Variants in PEX13 observed in about 807,000 individuals in gnomAD.
PEX13 encodes the protein peroxisome biogenesis factor 13.
Under a neutral mutation model 34.5 loss-of-function variants are expected in PEX13, and 28 were observed. The observed-to-expected ratio is 0.81, with a 90% CI of 0.60 to 1.11. The LOEUF is 1.11. Among genes scored for constraint, PEX13 ranks in the 50% most tolerant of loss-of-function variants. The pLI, the probability that PEX13 is intolerant of heterozygous loss-of-function variation, is 0.00. For synonymous variants in PEX13, 177 were observed against 175.1 expected, an observed-to-expected ratio of 1.01 and a Z score of -0.09; for missense variants, 550 against 491.0, an observed-to-expected ratio of 1.12 and a Z score of -1.13.
intron 1 of PEX13, among the ~76,000 whole-genome samples, chr2:61,028,407 T>G (rs78967858): frequency 6.6e-6 from 1 of 150,954 alleles, no homozygotes; most frequent in Non-Finnish European, 1.5e-5. Context: ...TTTTTTTTTT[T>G]GAAACAGAGT....
intron 2 of PEX13, among the ~76,000 whole-genome samples, chr2:61,037,353 T>A (rs995813181): frequency 2.7e-4 from 41 of 152,172 alleles, no homozygotes; most frequent in African/African-American, 9.4e-4. Flanking sequence ...ATTCTAAAAT[T>A]GACCACACAA....
Position 61,017,726 on chromosome 2 carries a change from G to C in PEX13, c.-34G>C, listed in dbSNP as rs1680097498. Reference sequence around the variant, plus strand: ...GGTCTACGCGGGCCTGGACAGTCAGGGGTAGGAGCGGGAGCCGAGAGGAGG... The same window carrying C: ...GGTCTACGCGGGCCTGGACAGTCAGCGGTAGGAGCGGGAGCCGAGAGGAGG... On this transcript the variant is annotated 5_prime_UTR_variant, in exon 1 of 4. Transcript: ENST00000295030. The C allele has an allele frequency of 6.5e-7, 1 of 1,529,738 alleles. No homozygotes were observed. Among genetic ancestry groups the C allele is most frequent in the Non-Finnish European group, 8.9e-7 (1 of 1,129,666 alleles). 94.8% of individuals were successfully genotyped at this position (1,529,738 alleles called of 1,614,324 possible).
Position 61,048,838 on chromosome 2 carries a change from A to C in PEX13, c.*68A>C. 8.0e-7 allele frequency: 1 copy of C among 1,248,398 alleles called. No individual in the cohort carries two copies. Among genetic ancestry groups the C allele is most frequent in the Non-Finnish European group, 1.2e-6 (1 of 855,156 alleles). The allele number at this position is 1,248,398 out of a possible 1,614,324, so 77.3% of individuals were successfully genotyped here. On this transcript the variant is annotated 3_prime_UTR_variant, in exon 4 of 4. Coordinates refer to ENST00000295030, the MANE Select transcript of PEX13 (RefSeq NM_002618.4). Reference sequence around the variant, plus strand: ...CTTTTTAAAATTATTTCTCACAAAGAAATGAATGTACAATCCAATGAAAAC... The same window carrying C: ...CTTTTTAAAATTATTTCTCACAAAGCAATGAATGTACAATCCAATGAAAAC...
At chr2:61,025,534 T>A (rs1298696390) in intron 1 of PEX13, among the ~76,000 whole-genome samples, 1 of 152,044 alleles carries the variant, frequency 6.6e-6, no homozygotes, top group African/African-American at 2.4e-5. Context: ...AATTTTTGTA[T>A]TTTTAGTAGA....
rs998338780 is a variant in PEX13 at position 61,051,880 on chromosome 2, T to G, written c.*3110T>G. ...TACTTGAACACAGCTATCCTTTATC[T>G]TGTGCTTTCTTTAATAGAAAAATGA... On this transcript the variant is annotated 3_prime_UTR_variant, in exon 4 of 4. Coordinates refer to ENST00000295030, the MANE Select transcript of PEX13 (RefSeq NM_002618.4). 8 of 152,356 alleles carry G rather than the reference T, an allele frequency of 5.3e-5. No homozygotes were observed. The highest frequency in any genetic ancestry group is 9.6e-5 in the African/African-American group (4 of 41,464). 9.4% of individuals were successfully genotyped at this position (152,356 alleles called of 1,614,324 possible).
chr2:61,020,609 TTCTC>T (rs1680238769), intron 1 of PEX13, among the ~76,000 whole-genome samples: 1 of 152,172 alleles, frequency 6.6e-6, no homozygotes, highest in South Asian at 2.1e-4. Flanking sequence ...CTTGTCAAAA[TTCTC>T]TCTCTCTACC....
At chr2:61,027,278 G>A (rs755179938) in intron 1 of PEX13, among the ~76,000 whole-genome samples, 5 of 150,452 alleles carry the variant, frequency 3.3e-5, no homozygotes, top group Admixed American at 6.6e-5. Context: ...GTTTGAGGTT[G>A]CAGTGAGCCG....
intron 1 of PEX13, among the ~76,000 whole-genome samples, chr2:61,028,450 C>G (rs1260199834): frequency 6.7e-6 from 1 of 148,996 alleles, no homozygotes; most frequent in East Asian, 2.0e-4. Flanking sequence ...AGGGCAGTGG[C>G]ATGATCTCAG....
At chr2:61,041,013 C>T (rs1166799200) in intron 2 of PEX13, among the ~76,000 whole-genome samples, 2 of 151,886 alleles carry the variant, frequency 1.3e-5, no homozygotes, top group Non-Finnish European at 2.9e-5. Context: ...ATGGCAGTGA[C>T]ATGGGTCCTA....
At chr2:61,048,356 T>C in intron 3 of PEX13, 116 bp from the exon 4 acceptor site, 10 of 818,310 alleles carry the variant, frequency 1.2e-5, no homozygotes, top group Non-Finnish European at 2.1e-5. Context: ...CATGTACTAT[T>C]TGTTATCTAC....
intron 2 of PEX13, among the ~76,000 whole-genome samples, chr2:61,044,266 T>A (rs1680670636): frequency 2.0e-5 from 3 of 151,784 alleles, no homozygotes; most frequent in Admixed American, 2.0e-4. Context: ...TTAGTTATAT[T>A]CTTTGTTGTT....
At position 61,017,737 on chromosome 2, in the gene PEX13, G is replaced by C. The variant is rs1241117454; in HGVS notation, c.-23G>C. On this transcript the variant is annotated 5_prime_UTR_variant, in exon 1 of 4. Transcript: ENST00000295030. The stretch of plus-strand genomic sequence containing the variant: ...GCCTGGACAGTCAGGGGTAGGAGCG[G>C]GAGCCGAGAGGAGGCGGAGGAGATG... 7.1e-6 allele frequency: 11 copies of C among 1,544,072 alleles called. No homozygotes were observed. Among genetic ancestry groups the C allele is most frequent in the Non-Finnish European group, 9.6e-6 (11 of 1,142,532 alleles).
At chr2:61,045,976 T>A (rs1680698990) in intron 3 of PEX13, 125 bp downstream of exon 3, 1 of 838,980 alleles carries the variant, frequency 1.2e-6, no homozygotes, top group African/African-American at 1.7e-5. Flanking sequence ...TAGAACTTCT[T>A]TTTCATGTCA....
intron 1 of PEX13, among the ~76,000 whole-genome samples, chr2:61,029,790 C>T (rs528516790): frequency 2.8e-4 from 40 of 142,346 alleles, no homozygotes; most frequent in Non-Finnish European, 5.3e-4. Flanking sequence ...CTAGCCTGGA[C>T]AATAGAGTGA....
At chr2:61,048,126 G>A (rs1423508943) in intron 3 of PEX13, among the ~76,000 whole-genome samples, 1 of 152,118 alleles carries the variant, frequency 6.6e-6, no homozygotes, top group African/African-American at 2.4e-5. Flanking sequence ...GAAGGAATAA[G>A]ATATTCATTT....
At chr2:61,021,014 C>T (rs182364174) in intron 1 of PEX13, among the ~76,000 whole-genome samples, 1 of 152,274 alleles carries the variant, frequency 6.6e-6, no homozygotes, top group African/African-American at 2.4e-5. Context: ...GGCTTTTCTG[C>T]ATCTGTTGAG....
chr2:61,040,584 CAG>C lies in PEX13; in HGVS notation c.788-5141_788-5140del, dbSNP rs755272286. 2.5e-4 allele frequency among the ~76,000 whole-genome samples: 38 copies of C among 151,736 alleles called. No homozygotes were observed. In the South Asian group the frequency reaches 3.7e-3, roughly 15 times the overall value. On this transcript the variant is annotated intron_variant, in intron 2 of 3. Coordinates refer to ENST00000295030, the MANE Select transcript of PEX13 (RefSeq NM_002618.4). Reference sequence around the variant, plus strand: ...GGGAGCATCACACACTGGGGCCTGTCAGGGGGTGGAGGGGCTTGGAGATGGGT... The same window carrying C: ...GGGAGCATCACACACTGGGGCCTGTCGGGGTGGAGGGGCTTGGAGATGGGT...
At chr2:61,033,304 A>T (rs929786041) in intron 2 of PEX13, among the ~76,000 whole-genome samples, 1 of 152,174 alleles carries the variant, frequency 6.6e-6, no homozygotes, top group African/African-American at 2.4e-5. Context: ...CCCAAAATAG[A>T]GTGTGTGAGA....
intron 1 of PEX13, among the ~76,000 whole-genome samples, chr2:61,027,693 C>A (rs190147993): frequency 3.7e-4 from 57 of 152,306 alleles, no homozygotes; most frequent in African/African-American, 1.3e-3. Flanking sequence ...GCCCTCCTTA[C>A]CATTTTACAT....
Sources: gnomAD v4.1 joint callset for allele counts (sites outside exome capture counted in the v4.1 genomes callset) on GRCh38, gnomAD v4.1.1 for gene constraint, MANE v1.5 for transcripts, NCBI Gene and HGNC (gene_info 2026-07-23, HGNC 2026-07-21) for gene names.